LMBRD1: variants seen among roughly 807,000 people sequenced by gnomAD.
LMBRD1 encodes lysosomal cobalamin transport escort protein LMBD1.
In LMBRD1, 64 loss-of-function variants were observed where a neutral mutation model predicts 74.8. The ratio of observed to expected loss-of-function variants is 0.86; its 90% CI spans 0.70 to 1.05. The LOEUF is 1.05. Among genes scored for constraint, LMBRD1 ranks in the 50% least tolerant of loss-of-function variants. The pLI is 0.00. For synonymous variants in LMBRD1, 204 were observed against 216.3 expected (o/e 0.94, Z 0.50); for missense variants, 652 against 645.9 (o/e 1.01, Z -0.10).
At chr6:69,677,877 G>A (rs1349230038) in intron 14 of LMBRD1, among the ~76,000 whole-genome samples, 3 of 152,006 alleles carry the variant, frequency 2.0e-5, no homozygotes, top group Non-Finnish European at 2.9e-5. Context: ...GTAGCAGACT[G>A]GTTATTTGAT....
At chr6:69,765,875 G>A (rs1260860034) in intron 3 of LMBRD1, among the ~76,000 whole-genome samples, 1 of 151,652 alleles carries the variant, frequency 6.6e-6, no homozygotes, top group Non-Finnish European at 1.5e-5. Context: ...CCTTTTTGAT[G>A]GTTTCTGATT....
At chr6:69,742,360 T>C (rs2076945664) in intron 5 of LMBRD1, among the ~76,000 whole-genome samples, 1 of 152,160 alleles carries the variant, frequency 6.6e-6, no homozygotes, top group Non-Finnish European at 1.5e-5. Context: ...ATTAGTATTT[T>C]TCTATTAATA....
At chr6:69,751,690 C>A (rs1765157243) in intron 4 of LMBRD1, among the ~76,000 whole-genome samples, 1 of 152,202 alleles carries the variant, frequency 6.6e-6, no homozygotes, top group Non-Finnish European at 1.5e-5. Context: ...CTTCTTTATG[C>A]TTTTGAACAG....
intron 3 of LMBRD1, 132 bp downstream of exon 3, chr6:69,780,362 A>C: frequency 2.8e-6 from 2 of 709,746 alleles, no homozygotes; most frequent in Non-Finnish European, 5.2e-6. Flanking sequence ...CCTTAAAACT[A>C]CTCCATGTGT....
intron 14 of LMBRD1, among the ~76,000 whole-genome samples, chr6:69,677,454 T>C (rs1765571385): frequency 6.6e-6 from 1 of 152,076 alleles, no homozygotes; most frequent in African/African-American, 2.4e-5. Context: ...CTAATTTCTA[T>C]GACATGGTTG....
chr6:69,750,334 C>T (rs1232546761), intron 4 of LMBRD1, among the ~76,000 whole-genome samples: 1 of 151,618 alleles, frequency 6.6e-6, no homozygotes, highest in African/African-American at 2.4e-5. Context: ...GCACATAGGT[C>T]ATAAGTGATT....
Position 69,780,426 on chromosome 6 carries a change from AC to A in LMBRD1, c.307+67del. 2.6e-6 allele frequency: 3 copies of A among 1,145,962 alleles called. No individual in the cohort carries two copies. In the South Asian group the frequency reaches 3.7e-5, roughly 14 times the overall value. The allele number at this position is 1,145,962 out of a possible 1,614,324, so 71.0% of individuals were successfully genotyped here. On this transcript the variant is annotated intron_variant, in intron 3 of 15. Coordinates refer to ENST00000649934, the MANE Select transcript of LMBRD1 (RefSeq NM_018368.4). ...CAAGAGGAAGAACCTGGGGTTCTCC[AC>A]TCATCGGAGTCGTATCAGTATTTTG...
intron 3 of LMBRD1, among the ~76,000 whole-genome samples, chr6:69,760,639 G>A (rs1765354517): frequency 1.3e-5 from 2 of 152,128 alleles, no homozygotes; most frequent in Non-Finnish European, 2.9e-5. Context: ...CTGTATTCAC[G>A]ACCTGTGTAA....
At chr6:69,693,661 C>T (rs998247608) in intron 14 of LMBRD1, among the ~76,000 whole-genome samples, 1 of 151,824 alleles carries the variant, frequency 6.6e-6, no homozygotes, top group Non-Finnish European at 1.5e-5. Flanking sequence ...ATCATTTAGT[C>T]AAATGTTGTC....
intron 6 of LMBRD1, 145 bp downstream of exon 6, chr6:69,741,644 C>A (rs1266671949): frequency 3.5e-6 from 2 of 569,854 alleles, no homozygotes; most frequent in Non-Finnish European, 6.3e-6. Context: ...ACCCCTCGGC[C>A]TCCCAAAGTG....
At chr6:69,747,189 A>G (rs1455600382) in intron 5 of LMBRD1, among the ~76,000 whole-genome samples, 2 of 152,058 alleles carry the variant, frequency 1.3e-5, no homozygotes, top group Non-Finnish European at 2.9e-5. Flanking sequence ...TAATCATCCC[A>G]TGGCATTGGT....
rs1766556739 is a variant in LMBRD1 at position 69,719,061 on chromosome 6, T to C, written c.657A>G (p.Leu219=). The C allele has an allele frequency of 6.2e-7, 1 of 1,612,996 alleles. No individual in the cohort carries two copies. Among genetic ancestry groups the C allele is most frequent in the South Asian group, 1.1e-5 (1 of 91,076 alleles). Residue 219 remains leucine, a synonymous_variant, in exon 8 of 16, where the codon TTA becomes TTG. Coordinates refer to ENST00000649934, the MANE Select transcript of LMBRD1 (RefSeq NM_018368.4). ...ITYTAYGMSA[L]PLNLIKGTRS... is the part of the protein sequence containing the mutation. Reference sequence around the variant, plus strand: ...TAGTGCCTTTTATCAGATTTAAAGGTAACGCAGACATGCCATAGGCCTAAA... The same window carrying C: ...TAGTGCCTTTTATCAGATTTAAAGGCAACGCAGACATGCCATAGGCCTAAA...
chr6:69,677,238 T>C (rs1413527105), intron 14 of LMBRD1, among the ~76,000 whole-genome samples: 1 of 152,112 alleles, frequency 6.6e-6, no homozygotes, highest in Non-Finnish European at 1.5e-5. Context: ...GCAAGGTCTG[T>C]ATGTTCAGAT....
intron 1 of LMBRD1, among the ~76,000 whole-genome samples, chr6:69,791,393 T>C (rs1766080656): frequency 1.3e-5 from 2 of 152,210 alleles, no homozygotes; most frequent in African/African-American, 4.8e-5. Flanking sequence ...TATTTCAGCC[T>C]TCACTGTGAG....
chr6:69,765,872 G>T (rs1765465456), intron 3 of LMBRD1, among the ~76,000 whole-genome samples: 1 of 151,708 alleles, frequency 6.6e-6, no homozygotes, highest in South Asian at 2.1e-4. Context: ...CACCCTTTTT[G>T]ATGGTTTCTG....
chr6:69,713,656 G>A lies in LMBRD1; in HGVS notation c.904C>T (p.Arg302Cys), dbSNP rs376456203. The change falls in exon 9 of 16, where the codon CGT becomes TGT. Residue 302 changes from arginine (R) to cysteine (C), a missense_variant. Around this residue, in one of 3 missense-constraint regions of LMBRD1, gnomAD observed 598 missense variants for 581.8 expected, o/e 1.03. Coordinates refer to ENST00000649934, the MANE Select transcript of LMBRD1 (RefSeq NM_018368.4). Reference sequence around the variant, plus strand: ...AAAACTTCATTTACCTTCAGGGGACGCAGAGCGCCACAAAATTTTGTCCAC... The same window carrying A: ...AAAACTTCATTTACCTTCAGGGGACACAGAGCGCCACAAAATTTTGTCCAC... ...SWWTKFCGAL[R>C]PLKIVWGIFF... is the part of the protein sequence containing the mutation. The A allele has an allele frequency of 4.8e-5, 77 of 1,613,216 alleles. No homozygotes were observed. In the African/African-American group the frequency reaches 5.2e-4, roughly 11 times the overall value.
At chr6:69,751,800 G>C (rs1488536362) in intron 4 of LMBRD1, among the ~76,000 whole-genome samples, 1 of 152,176 alleles carries the variant, frequency 6.6e-6, no homozygotes, top group African/African-American at 2.4e-5. Context: ...ACACTATAAT[G>C]GCAGACTTGA....
intron 7 of LMBRD1, among the ~76,000 whole-genome samples, chr6:69,737,654 TA>T (rs1444127497): frequency 6.6e-6 from 1 of 150,730 alleles, no homozygotes; most frequent in Non-Finnish European, 1.5e-5. Flanking sequence ...GCATATCAGG[TA>T]TTATAAATCT....
At chr6:69,792,332 G>C (rs1766105476) in intron 1 of LMBRD1, among the ~76,000 whole-genome samples, 1 of 152,182 alleles carries the variant, frequency 6.6e-6, no homozygotes. Flanking sequence ...CAGCCCACCA[G>C]TATCACCCTG....
Sources: gnomAD v4.1 joint callset for allele counts (sites outside exome capture counted in the v4.1 genomes callset) on GRCh38, gnomAD v4.1.1 for gene constraint, gnomAD v4.1.1 regional missense constraint, MANE v1.5 for transcripts, NCBI Gene and HGNC (gene_info 2026-07-23, HGNC 2026-07-21) for gene names.